CACNB2: variants seen among roughly 807,000 people sequenced by gnomAD.
The protein encoded by CACNB2 is voltage-dependent L-type calcium channel subunit beta-2.
CACNB2 carries 42 observed loss-of-function variants against 73.3 expected under a neutral mutation model. The observed-to-expected ratio is 0.57, with a 90% CI of 0.45 to 0.74. CACNB2 has a LOEUF of 0.74. Among genes scored for constraint, CACNB2 ranks in the 30% least tolerant of loss-of-function variants. The pLI is 0.00. For missense variants in CACNB2, 940 were observed against 853.0 expected, an observed-to-expected ratio of 1.10 and a Z score of -1.27; for synonymous variants, 348 against 310.3, an observed-to-expected ratio of 1.12 and a Z score of -1.28.
intron 3 of CACNB2, among the ~76,000 whole-genome samples, chr10:18,436,701 C>T (rs113536225): frequency 6.6e-6 from 1 of 152,170 alleles, no homozygotes; most frequent in African/African-American, 2.4e-5. Flanking sequence ...GGTTCCCATT[C>T]CATGTAGATG....
chr10:18,519,753 C>T (rs1431511574), intron 9 of CACNB2: 1 of 455,810 alleles, frequency 2.2e-6, no homozygotes, highest in Non-Finnish European at 4.4e-6. Flanking sequence ...ACTGGCTTTC[C>T]TTCCACTTTC....
At chr10:18,498,582 G>T in intron 4 of CACNB2, 105 bp downstream of exon 4, 7 of 1,115,648 alleles carry the variant, frequency 6.3e-6, no homozygotes, top group Non-Finnish European at 9.5e-6. Context: ...ATTGCACATC[G>T]CTGCAGTTGT....
chr10:18,430,716 G>A (rs930302819), intron 3 of CACNB2, among the ~76,000 whole-genome samples: 3 of 152,184 alleles, frequency 2.0e-5, no homozygotes, highest in Non-Finnish European at 2.9e-5. Context: ...CTTCTGTCCT[G>A]TGATCTGTGT....
intron 10 of CACNB2, among the ~76,000 whole-genome samples, chr10:18,532,676 C>CAAAAAAAAAAAAA (rs1219587375): frequency 4.8e-4 from 44 of 92,470 alleles, no homozygotes; most frequent in South Asian, 1.0e-3. Context: ...GACTCTGTCT[C>CAAAAAAAAAAAAA]AAAAAAAAAA....
chr10:18,163,059 G>C (rs995638702), intron 2 of CACNB2, among the ~76,000 whole-genome samples: 1 of 152,136 alleles, frequency 6.6e-6, no homozygotes, highest in Non-Finnish European at 1.5e-5. Flanking sequence ...ATATGAAGCA[G>C]TGTGCCGGAG....
intron 6 of CACNB2, among the ~76,000 whole-genome samples, chr10:18,510,588 C>G (rs762083333): frequency 6.6e-6 from 1 of 152,218 alleles, no homozygotes; most frequent in Non-Finnish European, 1.5e-5. Flanking sequence ...CAGGCATGAG[C>G]CACCATGCCC....
intron 2 of CACNB2, among the ~76,000 whole-genome samples, chr10:18,284,907 GTAC>G (rs2038719945): frequency 6.6e-6 from 1 of 152,174 alleles, no homozygotes; most frequent in African/African-American, 2.4e-5. Context: ...GAACTAGGGA[GTAC>G]TAAATCACAG....
intron 2 of CACNB2, among the ~76,000 whole-genome samples, chr10:18,234,776 T>C (rs2036366612): frequency 6.6e-6 from 1 of 152,140 alleles, no homozygotes; most frequent in African/African-American, 2.4e-5. Context: ...TGCTGAAAAG[T>C]CCTGGAGATG....
chr10:18,320,211 AT>A (rs1479417476), intron 2 of CACNB2, among the ~76,000 whole-genome samples: 1 of 151,866 alleles, frequency 6.6e-6, no homozygotes, highest in Non-Finnish European at 1.5e-5. Context: ...TTTATACCCA[AT>A]CCTCATGTAC....
chr10:18,361,280 C>T (rs112681817), intron 2 of CACNB2, among the ~76,000 whole-genome samples: 5,088 of 151,406 alleles, frequency 0.034, 129 homozygotes, highest in African/African-American at 0.062. Flanking sequence ...TCGCTTGAGC[C>T]CAGGAGTCCA....
intron 3 of CACNB2, among the ~76,000 whole-genome samples, chr10:18,455,673 G>T (rs951083908): frequency 6.6e-6 from 1 of 152,200 alleles, no homozygotes; most frequent in African/African-American, 2.4e-5. Context: ...GGAATTTTAA[G>T]AAGGTTAAGG....
At chr10:18,300,384 C>T (rs1032991303) in intron 2 of CACNB2, among the ~76,000 whole-genome samples, 1 of 152,188 alleles carries the variant, frequency 6.6e-6, no homozygotes, top group Admixed American at 6.5e-5. Flanking sequence ...TTGACTCCTA[C>T]ACTCCTGAAA....
intron 3 of CACNB2, among the ~76,000 whole-genome samples, chr10:18,424,503 G>A (rs749166034): frequency 1.6e-4 from 24 of 152,294 alleles, no homozygotes; most frequent in Non-Finnish European, 3.1e-4. Context: ...CTGATTGAAA[G>A]CTGCTTTCCC....
intron 2 of CACNB2, among the ~76,000 whole-genome samples, chr10:18,240,993 C>T (rs1407177447): frequency 2.6e-5 from 4 of 152,160 alleles, no homozygotes; most frequent in Non-Finnish European, 5.9e-5. Context: ...AAACCTGCCT[C>T]CTGTTCTGTT....
At chr10:18,404,603 G>T (rs986578258) in intron 3 of CACNB2, among the ~76,000 whole-genome samples, 1 of 152,184 alleles carries the variant, frequency 6.6e-6, no homozygotes, top group Non-Finnish European at 1.5e-5. Context: ...CTACAAGTCA[G>T]TGCTTTTACT....
At chr10:18,465,585 T>C (rs2047833564) in intron 3 of CACNB2, among the ~76,000 whole-genome samples, 1 of 152,166 alleles carries the variant, frequency 6.6e-6, no homozygotes, top group Non-Finnish European at 1.5e-5. Context: ...GTGGTCCTGG[T>C]TACTTCCTCC....
In CACNB2 at chr10:18,540,446, T is replaced by TAAC. The variant is rs1263239874; in HGVS notation, c.*724_*726dup. 1.3e-5 allele frequency: 2 copies of TAAC among 152,536 alleles called. No individual in the cohort carries two copies. Among genetic ancestry groups the TAAC allele is most frequent in the Non-Finnish European group, 2.9e-5 (2 of 68,022 alleles). 9.4% of individuals were successfully genotyped at this position (152,536 alleles called of 1,614,324 possible). On this transcript the variant is annotated 3_prime_UTR_variant, in exon 14 of 14. Coordinates refer to ENST00000324631, the MANE Select transcript of CACNB2 (RefSeq NM_201596.3). ...ATGCCCACATTCAGGAAATTTGTAA[T>TAAC]AACATTGTCTAGACACCTATCCTCA... is the stretch of plus-strand genomic sequence containing the variant.
At chr10:18,180,224 G>T (rs976209298) in intron 2 of CACNB2, among the ~76,000 whole-genome samples, 1 of 152,116 alleles carries the variant, frequency 6.6e-6, no homozygotes, top group African/African-American at 2.4e-5. Context: ...CAGGCTGGAG[G>T]GGAATGACAT....
At chr10:18,409,904 C>T (rs577680937) in intron 3 of CACNB2, among the ~76,000 whole-genome samples, 2 of 152,106 alleles carry the variant, frequency 1.3e-5, no homozygotes, top group Admixed American at 6.6e-5. Context: ...GTATGTCACT[C>T]GCCTTTACTC....
Sources: gnomAD v4.1 joint callset for allele counts (sites outside exome capture counted in the v4.1 genomes callset) on GRCh38, gnomAD v4.1.1 for gene constraint, MANE v1.5 for transcripts, NCBI Gene and HGNC (gene_info 2026-07-23, HGNC 2026-07-21) for gene names.